SLCO1A2: variants seen among roughly 807,000 people sequenced by gnomAD.
The protein encoded by SLCO1A2 is OATP-1.
SLCO1A2 carries 67 observed loss-of-function variants against 69.0 expected under a neutral mutation model. The ratio of observed to expected loss-of-function variants is 0.97; its 90% confidence interval spans 0.80 to 1.19. The LOEUF is 1.19. Among genes scored for constraint, SLCO1A2 ranks in the 50% most tolerant of loss-of-function variants. The pLI is 0.00. For synonymous variants in SLCO1A2, 260 were observed against 265.9 expected (o/e 0.98, Z 0.22); for missense variants, 787 against 793.7 (o/e 0.99, Z 0.10).
chr12:21,334,692 A>G lies in SLCO1A2; in HGVS notation c.-45T>C, dbSNP rs748906203. 3.3e-6 allele frequency: 5 copies of G among 1,520,340 alleles called. No homozygotes were observed. The highest frequency in any genetic ancestry group is 3.6e-6 in the Non-Finnish European group (4 of 1,106,158). 94.2% of individuals were successfully genotyped at this position (1,520,340 alleles called of 1,614,324 possible). The stretch of plus-strand genomic sequence containing the variant: ...CAAGCTATTTATGTTTTAAATCTTG[A>G]TATGTCTTACTTCTACCCTTTCAAG... On this transcript the variant is annotated 5_prime_UTR_variant, in exon 2 of 15. Coordinates refer to ENST00000683939, the MANE Select transcript of SLCO1A2 (RefSeq NM_001386879.1).
intron 8 of SLCO1A2, among the ~76,000 whole-genome samples, chr12:21,299,233 T>G (rs764856294): frequency 2.6e-5 from 4 of 152,100 alleles, no homozygotes; most frequent in Admixed American, 6.6e-5. Flanking sequence ...TTTTTAAAAT[T>G]TCCTAGGTGA....
intron 10 of SLCO1A2, chr12:21,295,221 A>G (rs1308589174): frequency 6.4e-6 from 1 of 156,920 alleles, no homozygotes; most frequent in Non-Finnish European, 1.4e-5. Flanking sequence ...TTGACTGTAT[A>G]ATCAACTCTT....
chr12:21,390,677 C>T (rs972818035), intron 1 of SLCO1A2, among the ~76,000 whole-genome samples: 6 of 152,136 alleles, frequency 3.9e-5, no homozygotes, highest in African/African-American at 1.2e-4. Flanking sequence ...ATTTCTGATG[C>T]TTTGGTGATT....
intron 10 of SLCO1A2, chr12:21,294,967 C>T (rs1947483466): frequency 6.6e-6 from 1 of 152,100 alleles, no homozygotes; most frequent in Non-Finnish European, 1.5e-5. Context: ...TTCTTTATTT[C>T]ATTTTAACTG....
intron 1 of SLCO1A2, among the ~76,000 whole-genome samples, chr12:21,393,471 T>A (rs145325022): frequency 5.4e-4 from 82 of 152,260 alleles, no homozygotes; most frequent in African/African-American, 1.8e-3. Context: ...GATATAAAAT[T>A]CTCAAAAATA....
intron 2 of SLCO1A2, among the ~76,000 whole-genome samples, chr12:21,320,687 C>T (rs138590471): frequency 1.3e-5 from 2 of 152,006 alleles, no homozygotes; most frequent in East Asian, 1.9e-4. Flanking sequence ...TTAGTACAGA[C>T]GGGGTTTCAC....
Position 21,292,279 on chromosome 12 carries a change from GCCCAAGAA to G in SLCO1A2, c.1487_1494del (p.Val496AlafsTer7), listed in dbSNP as rs748771645. The G allele has an allele frequency of 1.9e-6, 3 of 1,612,484 alleles. No individual in the cohort carries two copies. The South Asian group carries it at 3.3e-5, about 18-fold the overall frequency. On this transcript the variant is annotated frameshift_variant, in exon 12 of 15. Coordinates refer to ENST00000683939, the MANE Select transcript of SLCO1A2 (RefSeq NM_001386879.1). LOFTEE classifies it high-confidence loss of function. ...GAACAGTCAGGTCCTTTGTCGCACA[GCCCAAGAA>G]CTGCAGATGAATTTCCTGATGTTTG...
rs1020285174 is a variant in SLCO1A2 at position 21,266,825 on chromosome 12, G to A, written c.*2723C>T. On this transcript the variant is annotated 3_prime_UTR_variant, in exon 15 of 15. Coordinates refer to ENST00000683939, the MANE Select transcript of SLCO1A2 (RefSeq NM_001386879.1). Reference sequence around the variant, plus strand: ...ATTAATTAAAATAAAACCATAGGTGGATTCACAAAGAAACTGTGTAAGCAT... The same window carrying A: ...ATTAATTAAAATAAAACCATAGGTGAATTCACAAAGAAACTGTGTAAGCAT... 1 of 152,022 alleles carries A rather than the reference G, an allele frequency of 6.6e-6. No individual in the cohort carries two copies. Among genetic ancestry groups the A allele is most frequent in the African/African-American group, 2.4e-5 (1 of 41,400 alleles). 9.4% of individuals were successfully genotyped at this position (152,022 alleles called of 1,614,324 possible). A position where few individuals can be genotyped will look rare whatever the true frequency, so the allele number is the denominator to read the frequency against.
chr12:21,396,895 C>G (rs1303273434), upstream of SLCO1A2, among the ~76,000 whole-genome samples: 1 of 152,148 alleles, frequency 6.6e-6, no homozygotes, highest in Admixed American at 6.5e-5. Flanking sequence ...AAAGGAACGA[C>G]TGGTACCAGC....
intron 2 of SLCO1A2, among the ~76,000 whole-genome samples, chr12:21,365,188 C>A (rs138838062): frequency 6.6e-6 from 1 of 152,074 alleles, no homozygotes; most frequent in Non-Finnish European, 1.5e-5. Context: ...GGTACTGGTA[C>A]CAAAACAGAG....
chr12:21,302,102 G>A (rs61927763), intron 6 of SLCO1A2, among the ~76,000 whole-genome samples: 14,578 of 152,012 alleles, frequency 0.096, 938 homozygotes, highest in Non-Finnish European at 0.15. Context: ...TCTCTTGTGC[G>A]CGTTCAATTT....
chr12:21,275,432 G>T lies in SLCO1A2; in HGVS notation c.1611-8C>A. On this transcript the variant is annotated splice_region_variant and splice_polypyrimidine_tract_variant and intron_variant, in intron 12 of 14. Transcript: ENST00000683939. ...TCTTCAGATTTCATACACCTGAAAA[G>T]TAAATAAGTTTGTAAATAAAAGAAA... 1 of 1,451,914 alleles carries T rather than the reference G, an allele frequency of 6.9e-7. No individual in the cohort carries two copies. The highest frequency in any genetic ancestry group is 9.2e-7 in the Non-Finnish European group (1 of 1,085,488). The allele number at this position is 1,451,914 out of a possible 1,614,324, so 89.9% of individuals were successfully genotyped here.
At chr12:21,413,353 T>G (rs1233301048) in intron 1 of SLCO1A2, among the ~76,000 whole-genome samples, 1 of 149,314 alleles carries the variant, frequency 6.7e-6, no homozygotes, top group Non-Finnish European at 1.5e-5. Context: ...GTAATTCTCC[T>G]GCCTCAGCCT....
intron 2 of SLCO1A2, among the ~76,000 whole-genome samples, chr12:21,360,219 T>C (rs1938721323): frequency 6.6e-6 from 1 of 152,200 alleles, no homozygotes; most frequent in African/African-American, 2.4e-5. Flanking sequence ...GATGGAAATG[T>C]CTGTTACATT....
At chr12:21,315,604 A>T (rs1050179586) in intron 3 of SLCO1A2, among the ~76,000 whole-genome samples, 4 of 152,140 alleles carry the variant, frequency 2.6e-5, no homozygotes, top group Admixed American at 2.6e-4. Context: ...ATATTTTGAA[A>T]AGTTTTCTTT....
intron 1 of SLCO1A2, among the ~76,000 whole-genome samples, chr12:21,392,976 A>T (rs993007862): frequency 6.6e-6 from 1 of 152,132 alleles, no homozygotes; most frequent in Non-Finnish European, 1.5e-5. Context: ...GGAAGGACTT[A>T]TCTCTCACCT....
upstream of SLCO1A2, among the ~76,000 whole-genome samples, chr12:21,336,767 G>A (rs1049400497): frequency 6.6e-6 from 1 of 151,746 alleles, no homozygotes; most frequent in African/African-American, 2.4e-5. Flanking sequence ...TCATCTTCTC[G>A]AGGCTGTGCT....
In SLCO1A2 at chr12:21,304,536, G is replaced by T. The variant is rs766171074; in HGVS notation, c.480C>A (p.Tyr160Ter). 1 of 1,611,912 alleles carries T rather than the reference G, an allele frequency of 6.2e-7. No homozygotes were observed. Among genetic ancestry groups the T allele is most frequent in the Admixed American group, 1.7e-5 (1 of 59,912 alleles). ...TKEVKSLMWV[Y>*]VLVGNIVRGM... ...CACGTACAATATTGCCTACTAGGAC[G>T]TACACCCACATTAATGATTTAACTT... Residue 160 changes from tyrosine to a stop codon, truncating the protein, a stop_gained, in exon 6 of 15, where the codon TAC becomes TAA. Coordinates refer to ENST00000683939, the MANE Select transcript of SLCO1A2 (RefSeq NM_001386879.1). LOFTEE classifies it high-confidence loss of function.
At chr12:21,406,551 T>A (rs1395668895) in intron 1 of SLCO1A2, among the ~76,000 whole-genome samples, 2 of 152,160 alleles carry the variant, frequency 1.3e-5, no homozygotes, top group South Asian at 4.1e-4. Flanking sequence ...GAGTTAACAG[T>A]TGTTGAATAT....
Sources: allele counts gnomAD v4.1 joint callset (sites outside exome capture counted in the v4.1 genomes callset), GRCh38; gene constraint gnomAD v4.1.1; transcripts MANE v1.5; gene names NCBI Gene and HGNC (gene_info 2026-07-23, HGNC 2026-07-21).